Variants in CD80 observed in about 807,000 individuals in gnomAD.
CD80 encodes the protein CD80 molecule, also known as T-lymphocyte activation antigen CD80.
CD80 carries 13 observed loss-of-function variants against 27.1 expected under a neutral mutation model. The ratio of observed to expected loss-of-function variants is 0.48; its 90% CI spans 0.31 to 0.76. The LOEUF is 0.76. CD80 is among the 30% of genes least tolerant of loss of function. CD80 has a pLI of 0.04. For missense variants in CD80, 277 were observed against 347.9 expected (o/e 0.80, Z 1.62); for synonymous variants, 125 against 125.5 (o/e 1.00, Z 0.03).
At chr3:119,541,323 G>C (rs765734018) in intron 3 of CD80, among the ~76,000 whole-genome samples, 2 of 152,212 alleles carry the variant, frequency 1.3e-5, no homozygotes, top group African/African-American at 4.8e-5. Context: ...ACCTAGTTAA[G>C]CTGTTAACGA....
intron 4 of CD80, among the ~76,000 whole-genome samples, chr3:119,530,297 T>C (rs974178977): frequency 2.0e-5 from 3 of 152,212 alleles, no homozygotes; most frequent in African/African-American, 7.2e-5. Flanking sequence ...GTTCTAGGTA[T>C]ACTTTATTTT....
At chr3:119,543,333 G>A (rs552233591) in intron 3 of CD80, among the ~76,000 whole-genome samples, 1 of 151,910 alleles carries the variant, frequency 6.6e-6, no homozygotes, top group South Asian at 2.1e-4. Flanking sequence ...CATAAACAGG[G>A]CTTTGATTCA....
At chr3:119,556,854 A>G in intron 2 of CD80, among the ~76,000 whole-genome samples, 1 of 152,220 alleles carries the variant, frequency 6.6e-6, no homozygotes, top group East Asian at 1.9e-4. Context: ...ACTTAAAAAA[A>G]AAAATCAGAA....
At position 119,525,354 on chromosome 3, in the gene CD80, T is replaced by A. The variant is rs2082058489; in HGVS notation, c.*434A>T. 6.6e-6 allele frequency: 1 copy of A among 152,232 alleles called. No individual in the cohort carries two copies. The highest frequency in any genetic ancestry group is 2.1e-4 in the South Asian group (1 of 4,828). 9.4% of individuals were successfully genotyped at this position (152,232 alleles called of 1,614,324 possible). ...AGTTGACCTGTTATTGGACAAATTCTACTTCCAGCAGCACTTTGCCTGACA... is the reference window on the plus strand; with the variant it reads ...AGTTGACCTGTTATTGGACAAATTCAACTTCCAGCAGCACTTTGCCTGACA... On this transcript the variant is annotated 3_prime_UTR_variant, in exon 7 of 7. Transcript: ENST00000264246.
intron 4 of CD80, among the ~76,000 whole-genome samples, chr3:119,532,476 A>C (rs1419143984): frequency 6.8e-6 from 1 of 147,362 alleles, no homozygotes; most frequent in African/African-American, 2.5e-5. Context: ...CAGAGTGAGA[A>C]TCTATCTCAG....
intron 3 of CD80, among the ~76,000 whole-genome samples, chr3:119,543,975 G>A (rs150727317): frequency 0.055 from 7,926 of 144,380 alleles, 675 homozygotes; most frequent in African/African-American, 0.19. Context: ...TGCAACCTCC[G>A]CCTCCCAGGT....
chr3:119,545,682 T>G (rs956312948), intron 2 of CD80, among the ~76,000 whole-genome samples: 2 of 152,168 alleles, frequency 1.3e-5, no homozygotes, highest in African/African-American at 4.8e-5. Flanking sequence ...TAGGATTTCC[T>G]TCCTTTGGAA....
At position 119,525,008 on chromosome 3, in the gene CD80, T is replaced by A. The variant is rs1599795; in HGVS notation, c.*780A>T. 0.15 allele frequency: 23,437 copies of A among 152,210 alleles called. 2,345 individuals carry two copies. Among genetic ancestry groups the A allele is most frequent in the East Asian group, 0.28 (1,430 of 5,178 alleles). 9.4% of individuals were successfully genotyped at this position (152,210 alleles called of 1,614,324 possible). ...AGCATAAAGCCATTTAAAGAGATTA[T>A]CAGTCCAATATGAACCAGTTAAGTC... On this transcript the variant is annotated 3_prime_UTR_variant, in exon 7 of 7. Transcript: ENST00000264246.
chr3:119,558,737 G>C (rs1444450707), intron 1 of CD80, among the ~76,000 whole-genome samples: 1 of 143,230 alleles, frequency 7.0e-6, no homozygotes, highest in African/African-American at 2.6e-5. Flanking sequence ...CTGCACTCCA[G>C]CCTAGGCGAC....
rs535779033 is a variant in CD80, at chr3:119,540,445, CT to C, written c.419-3028del. Among the ~76,000 whole-genome samples, 77 of 148,268 alleles carry C rather than the reference CT, an allele frequency of 5.2e-4. 1 individual carries two copies. The highest frequency in any genetic ancestry group is 1.2e-3 in the African/African-American group (50 of 40,452). On this transcript the variant is annotated intron_variant, in intron 3 of 6. Transcript: ENST00000264246. ...TGGATTTGGTTGGAGGTGAAGTTAC[CT>C]TTTTTTTTTGTTTGTTTCAATGAAC...
chr3:119,556,642 C>G (rs551184456), intron 2 of CD80, among the ~76,000 whole-genome samples: 1 of 152,106 alleles, frequency 6.6e-6, no homozygotes, highest in Admixed American at 6.5e-5. Context: ...TCTGTGGGCC[C>G]CCAACTCCTC....
At chr3:119,549,732 G>A (rs1193963056) in intron 2 of CD80, among the ~76,000 whole-genome samples, 1 of 152,214 alleles carries the variant, frequency 6.6e-6, no homozygotes, top group African/African-American at 2.4e-5. Flanking sequence ...AAAGGTCCAG[G>A]CACCTCTTCA....
At chr3:119,529,819 G>T (rs541432651) in intron 5 of CD80, 23 bp downstream of exon 5, 83 of 1,463,278 alleles carry the variant, frequency 5.7e-5, no homozygotes, top group Non-Finnish European at 7.7e-5. Context: ...TTGAGATCAG[G>T]ATGATGGTAT....
chr3:119,547,117 C>T (rs117556159), intron 2 of CD80, among the ~76,000 whole-genome samples: 2 of 152,358 alleles, frequency 1.3e-5, no homozygotes, highest in East Asian at 3.9e-4. Context: ...ACCCTGCTAA[C>T]ATCCTTGCCT....
Position 119,537,428 on chromosome 3 carries a change from G to C in CD80, c.419-10C>G. ...GGTGTAGGGAAGTCAGCTAAAGAAA[G>C]AACAAGAATATATAATTACGTATAG... is the stretch of plus-strand genomic sequence containing the variant. On this transcript the variant is annotated splice_polypyrimidine_tract_variant and intron_variant, in intron 3 of 6. Coordinates refer to ENST00000264246, the MANE Select transcript of CD80 (RefSeq NM_005191.4). 1 of 1,553,274 alleles carries C rather than the reference G, an allele frequency of 6.4e-7. No individual in the cohort carries two copies. Among genetic ancestry groups the C allele is most frequent in the Non-Finnish European group, 8.9e-7 (1 of 1,127,020 alleles).
intron 3 of CD80, among the ~76,000 whole-genome samples, chr3:119,541,871 C>A (rs764439647): frequency 8.5e-5 from 13 of 152,162 alleles, no homozygotes; most frequent in Admixed American, 1.3e-4. Flanking sequence ...TGTCCTTGGT[C>A]TCTTACGGTA....
At chr3:119,542,581 A>G (rs1308509600) in intron 3 of CD80, among the ~76,000 whole-genome samples, 2 of 152,152 alleles carry the variant, frequency 1.3e-5, no homozygotes, top group Non-Finnish European at 2.9e-5. Flanking sequence ...GTTATACTGT[A>G]ATTAAAGTGA....
rs568761384 is a variant in CD80, at chr3:119,555,321, T to G, written c.100+2308A>C. ...TCCTGGTATTGCATATTCTATGGAT[T>G]TGGGCAAATTTATAATGACTTATAT... On this transcript the variant is annotated intron_variant, in intron 2 of 6. Transcript: ENST00000264246. Among the ~76,000 whole-genome samples, 4 of 152,310 alleles carry G rather than the reference T, an allele frequency of 2.6e-5. No individual in the cohort carries two copies. The South Asian group carries it at 6.2e-4, about 24-fold the overall frequency.
intron 6 of CD80, among the ~76,000 whole-genome samples, chr3:119,527,094 C>T (rs933035441): frequency 2.0e-5 from 3 of 152,174 alleles, no homozygotes; most frequent in Non-Finnish European, 4.4e-5. Flanking sequence ...TCTTGGGTTC[C>T]GTTTACCCCA....
Sources: allele counts gnomAD v4.1 joint callset (sites outside exome capture counted in the v4.1 genomes callset), GRCh38; gene constraint gnomAD v4.1.1; transcripts MANE v1.5; gene names NCBI Gene and HGNC (gene_info 2026-07-23, HGNC 2026-07-21).